Variants in GLRA1 observed in about 807,000 individuals in gnomAD.
The protein encoded by GLRA1 is glycine receptor subunit alpha-1.
GLRA1 carries 37 observed loss-of-function variants against 48.3 expected under a neutral mutation model. That is an observed-to-expected ratio of 0.77 (90% CI 0.59 to 1.01). GLRA1 has a LOEUF of 1.01. GLRA1 is among the 50% of genes least tolerant of loss of function. The probability of loss-of-function intolerance (pLI) is 0.00; values close to 1 mark genes in which losing one functional copy is unlikely to be tolerated. For synonymous variants in GLRA1, 196 were observed against 210.7 expected, an observed-to-expected ratio of 0.93 and a Z score of 0.60; for missense variants, 427 against 571.0, an observed-to-expected ratio of 0.75 and a Z score of 2.57.
intron 6 of GLRA1, among the ~76,000 whole-genome samples, chr5:151,853,501 C>T (rs1038366564): frequency 1.3e-5 from 2 of 151,904 alleles, no homozygotes; most frequent in Non-Finnish European, 2.9e-5. Flanking sequence ...AGTCATCCAC[C>T]CGCCTTGACC....
intron 7 of GLRA1, among the ~76,000 whole-genome samples, chr5:151,842,253 C>G (rs1327903177): frequency 2.0e-5 from 3 of 151,872 alleles, no homozygotes; most frequent in Non-Finnish European, 4.4e-5. Flanking sequence ...CATTTCCCAA[C>G]TCTTTCTAAG....
intron 3 of GLRA1, among the ~76,000 whole-genome samples, chr5:151,866,378 G>A (rs1047772491): frequency 6.6e-6 from 1 of 152,124 alleles, no homozygotes; most frequent in African/African-American, 2.4e-5. Context: ...TACCCCCACT[G>A]TGCCTCATTT....
intron 1 of GLRA1, among the ~76,000 whole-genome samples, chr5:151,916,172 C>A (rs1754735953): frequency 6.6e-6 from 1 of 152,184 alleles, no homozygotes; most frequent in African/African-American, 2.4e-5. Context: ...CCTGCTGTTA[C>A]CAAAAGGCAA....
At chr5:151,850,353 C>T in intron 7 of GLRA1, 1 of 1,436,382 alleles carries the variant, frequency 7.0e-7, no homozygotes, top group Non-Finnish European at 9.8e-7. Flanking sequence ...CATTTTGCAT[C>T]ATGTATGTGA....
intron 7 of GLRA1, among the ~76,000 whole-genome samples, chr5:151,845,971 T>C (rs1460767970): frequency 1.3e-5 from 2 of 152,200 alleles, no homozygotes; most frequent in Non-Finnish European, 2.9e-5. Flanking sequence ...AGGCCACATA[T>C]TGTATGATTC....
chr5:151,877,704 A>T (rs1401233477), intron 3 of GLRA1, among the ~76,000 whole-genome samples: 2 of 152,138 alleles, frequency 1.3e-5, no homozygotes, highest in African/African-American at 4.8e-5. Context: ...AGCTCACAAG[A>T]TCTGATAGTT....
intron 7 of GLRA1, chr5:151,850,752 TCTC>T: frequency 9.7e-7 from 1 of 1,035,122 alleles, no homozygotes; most frequent in Non-Finnish European, 1.5e-6. Context: ...ACACGTGTCT[TCTC>T]AATGAAACCG....
At chr5:151,877,415 G>A (rs1206847017) in intron 3 of GLRA1, among the ~76,000 whole-genome samples, 2 of 152,098 alleles carry the variant, frequency 1.3e-5, no homozygotes, top group African/African-American at 2.4e-5. Flanking sequence ...GCCAAATTTA[G>A]CACATGTAAG....
intron 1 of GLRA1, among the ~76,000 whole-genome samples, chr5:151,913,434 T>A (rs1042605441): frequency 6.6e-6 from 1 of 152,154 alleles, no homozygotes; most frequent in Non-Finnish European, 1.5e-5. Flanking sequence ...TTATGGACAA[T>A]GAGAAATCCA....
chr5:151,850,904 C>CT, intron 7 of GLRA1: 1 of 539,442 alleles, frequency 1.9e-6, no homozygotes, highest in Non-Finnish European at 3.4e-6. Flanking sequence ...ATATAAAGGT[C>CT]TTTTTTTAAT....
At chr5:151,825,211 G>C (rs1216985395) in intron 8 of GLRA1, among the ~76,000 whole-genome samples, 1 of 152,210 alleles carries the variant, frequency 6.6e-6, no homozygotes, top group Non-Finnish European at 1.5e-5. Context: ...CAGCCAAATT[G>C]CTGGACCTAG....
chr5:151,911,449 A>G (rs777771347), intron 1 of GLRA1, among the ~76,000 whole-genome samples: 2 of 152,170 alleles, frequency 1.3e-5, no homozygotes, highest in Non-Finnish European at 2.9e-5. Flanking sequence ...ACTTATGATA[A>G]TCTGTCAGGA....
chr5:151,837,126 A>G (rs1763598386), intron 7 of GLRA1, among the ~76,000 whole-genome samples: 1 of 152,236 alleles, frequency 6.6e-6, no homozygotes, highest in Non-Finnish European at 1.5e-5. Context: ...TATAAGAAAA[A>G]CAACCCCATC....
At chr5:151,869,516 C>T (rs775534488) in intron 3 of GLRA1, among the ~76,000 whole-genome samples, 75 of 151,370 alleles carry the variant, frequency 5.0e-4, no homozygotes, top group Non-Finnish European at 9.0e-4. Context: ...GAGTTTGAGA[C>T]CAGCCTGGCC....
At chr5:151,853,925 A>G (rs1233727165) in intron 6 of GLRA1, among the ~76,000 whole-genome samples, 1 of 152,174 alleles carries the variant, frequency 6.6e-6, no homozygotes, top group African/African-American at 2.4e-5. Flanking sequence ...AATGAGAAGT[A>G]TGTGAGTTGA....
At chr5:151,824,656 C>T (rs1763226789) in intron 8 of GLRA1, among the ~76,000 whole-genome samples, 1 of 152,180 alleles carries the variant, frequency 6.6e-6, no homozygotes, top group South Asian at 2.1e-4. Context: ...CCTAATTCTT[C>T]CTTAGAAGCC....
intron 3 of GLRA1, among the ~76,000 whole-genome samples, chr5:151,860,979 T>C (rs1753188256): frequency 6.6e-6 from 1 of 152,182 alleles, no homozygotes; most frequent in African/African-American, 2.4e-5. Context: ...ATGCGGTGTT[T>C]GGTTTTTTGT....
At chr5:151,898,681 C>T (rs1158584706) in intron 1 of GLRA1, among the ~76,000 whole-genome samples, 2 of 151,914 alleles carry the variant, frequency 1.3e-5, no homozygotes, top group East Asian at 1.9e-4. Flanking sequence ...AAAGGAAGGA[C>T]CTATACAGCT....
chr5:151,833,898 T>A (rs549000301), intron 7 of GLRA1, among the ~76,000 whole-genome samples: 2 of 150,060 alleles, frequency 1.3e-5, no homozygotes, highest in Non-Finnish European at 3.0e-5. Context: ...CATTACATAA[T>A]GGTAAAGGGA....
Sources: gnomAD v4.1 joint callset for allele counts (sites outside exome capture counted in the v4.1 genomes callset) on GRCh38, gnomAD v4.1.1 for gene constraint, MANE v1.5 for transcripts, NCBI Gene and HGNC (gene_info 2026-07-23, HGNC 2026-07-21) for gene names.